SH3TC1: variants seen among roughly 807,000 people sequenced by gnomAD.
SH3TC1 encodes the protein SH3 domain and tetratricopeptide repeats 1.
In SH3TC1, 135 loss-of-function variants were observed where a neutral mutation model predicts 117.3. That is an observed-to-expected ratio of 1.15 (90% CI 1.00 to 1.33). SH3TC1 has a LOEUF of 1.33. Ranked by LOEUF, SH3TC1 falls within the 40% of genes most tolerant of loss-of-function variation. SH3TC1 has a pLI of 0.00. For missense variants in SH3TC1, 2,092 were observed against 1,794.3 expected, an observed-to-expected ratio of 1.17 and a Z score of -3.00; for synonymous variants, 898 against 816.9, an observed-to-expected ratio of 1.10 and a Z score of -1.69.
intron 1 of SH3TC1, among the ~76,000 whole-genome samples, chr4:8,184,639 A>G (rs1478134039): frequency 6.6e-6 from 1 of 152,108 alleles, no homozygotes; most frequent in Non-Finnish European, 1.5e-5. Context: ...TCAGCCTCCC[A>G]AAGTACTGGG....
In SH3TC1 at chr4:8,209,897, C is replaced by T. The variant is rs1712316; in HGVS notation, c.247+75C>T. ...GCCGCTCCCTGGGCATCCAAGAGTC[C>T]AACCCAGGGCTTCTCAAAGTGTGGC... is the stretch of plus-strand genomic sequence containing the variant. On this transcript the variant is annotated intron_variant, in intron 3 of 17. Transcript: ENST00000245105. This position sits in a 1 kb window ranked among gnomAD's most constrained non-coding sequence, Gnocchi z 5.9. 1,243,490 of 1,447,626 alleles carry T rather than the reference C, an allele frequency of 0.86. 537,607 individuals carry two copies. Among genetic ancestry groups the T allele is most frequent in the Non-Finnish European group, 0.89 (935,348 of 1,051,646 alleles). The allele number at this position is 1,447,626 out of a possible 1,614,324, so 89.7% of individuals were successfully genotyped here.
chr4:8,228,700 C>G, intron 12 of SH3TC1, 56 bp downstream of exon 12: 1 of 1,322,692 alleles, frequency 7.6e-7, no homozygotes, highest in Non-Finnish European at 1.0e-6. Flanking sequence ...TCAGGGCACA[C>G]CTGGGGTTTG....
rs767193388 is a variant in SH3TC1 at position 8,218,314 on chromosome 4, G to T, written c.883G>T (p.Gly295Cys). ...IPQDPIDDAM[G>C]GPVMPGNPLM... ...CCAGGACCCCATCGACGATGCCATG[G>T]GTGGCCCTGTGATGCCCGGCAACCC... The change falls in exon 8 of 18, where the codon GGT (glycine) becomes TGT (cysteine). Residue 295 changes from glycine (G) to cysteine (C), a missense_variant. Physicochemically the swap from Gly to Cys is radical, Grantham distance 159 (BLOSUM62 -3). Coordinates refer to ENST00000245105, the MANE Select transcript of SH3TC1 (RefSeq NM_018986.5). 7 of 1,611,872 alleles carry T rather than the reference G, an allele frequency of 4.3e-6. No individual in the cohort carries two copies. In the East Asian group the frequency reaches 1.6e-4, roughly 36 times the overall value.
Position 8,241,054 on chromosome 4 carries a change from A to T in SH3TC1, c.*99A>T, listed in dbSNP as rs770933951. ...CATTTTCTGGCAAATGGAGGCACGA[A>T]CGCAGGGGCCAAATAGCAATAAATG... On this transcript the variant is annotated 3_prime_UTR_variant, in exon 18 of 18. Transcript: ENST00000245105. 2 of 1,505,828 alleles carry T rather than the reference A, an allele frequency of 1.3e-6. No homozygotes were observed. Among genetic ancestry groups the T allele is most frequent in the Non-Finnish European group, 1.8e-6 (2 of 1,123,502 alleles). The allele number at this position is 1,505,828 out of a possible 1,614,324, so 93.3% of individuals were successfully genotyped here.
At position 8,216,974 on chromosome 4, in the gene SH3TC1, T is replaced by C. The variant is rs1561693532; in HGVS notation, c.646T>C (p.Cys216Arg). The C allele has an allele frequency of 6.2e-7, 1 of 1,614,046 alleles. No individual in the cohort carries two copies. Among genetic ancestry groups the C allele is most frequent in the Non-Finnish European group, 8.5e-7 (1 of 1,179,972 alleles). The change falls in exon 7 of 18, where the codon TGT becomes CGT. Residue 216 changes from cysteine (C) to arginine (R), a missense_variant. Coordinates refer to ENST00000245105, the MANE Select transcript of SH3TC1 (RefSeq NM_018986.5). Reference sequence around the variant, plus strand: ...TTTTGAAGGGCCCTTCTTTGTCCTGTGTCCTGACCACCATGTGAGAGTGAT... The same window carrying C: ...TTTTGAAGGGCCCTTCTTTGTCCTGCGTCCTGACCACCATGTGAGAGTGAT... Reference protein sequence around the residue: ...LIQEGPFFVLCPDHHVRVMTG... With the variant: ...LIQEGPFFVLRPDHHVRVMTG...
chr4:8,189,318 T>C (rs1214324780), intron 1 of SH3TC1, among the ~76,000 whole-genome samples: 1 of 152,100 alleles, frequency 6.6e-6, no homozygotes, highest in African/African-American at 2.4e-5. Flanking sequence ...AGGAAGCAAG[T>C]GGTGGTGACA....
intron 4 of SH3TC1, among the ~76,000 whole-genome samples, chr4:8,214,158 G>A (rs1164982905): frequency 1.3e-5 from 2 of 152,156 alleles, no homozygotes; most frequent in African/African-American, 4.8e-5. Context: ...TAGGTCGGGA[G>A]AAGCGGCGGT....
intron 4 of SH3TC1, among the ~76,000 whole-genome samples, chr4:8,213,790 A>G (rs1216850704): frequency 6.6e-6 from 1 of 151,806 alleles, no homozygotes; most frequent in African/African-American, 2.4e-5. Context: ...GGAGAGTAAA[A>G]TGGGTGGATT....
At position 8,233,442 on chromosome 4, in the gene SH3TC1, C is replaced by T. The variant is rs1484804134; in HGVS notation, c.3211C>T (p.His1071Tyr). The T allele has an allele frequency of 6.2e-7, 1 of 1,613,858 alleles. No individual in the cohort carries two copies. The highest frequency in any genetic ancestry group is 8.5e-7 in the Non-Finnish European group (1 of 1,179,930). The change falls in exon 14 of 18, where the codon CAT becomes TAT. Residue 1071 changes from histidine to tyrosine, a missense_variant. His to Tyr is a moderately conservative substitution (Grantham distance 83). Transcript: ENST00000245105. ...CCTCCAGAAGAAAGAGAAGGAGGCG[C>T]ATGCCTGGCTGCAAGCAGGGAAGAT... ...IDLQKKEKEA[H>Y]AWLQAGKIYY... is the part of the protein sequence containing the mutation.
In SH3TC1 at chr4:8,209,511, G is replaced by T; in HGVS notation, c.173-237G>T. 1 of 791,036 alleles carries T rather than the reference G, an allele frequency of 1.3e-6. No individual in the cohort carries two copies. The highest frequency in any genetic ancestry group is 1.7e-5 in the African/African-American group (1 of 58,412). 49.0% of individuals were successfully genotyped at this position (791,036 alleles called of 1,614,324 possible). ...TGAGAGCGGCGGGATCATACGAGTC[G>T]TGTGGTCTTAAGCCTCTGAGTGTGG... On this transcript the variant is annotated intron_variant, in intron 2 of 17. Coordinates refer to ENST00000245105, the MANE Select transcript of SH3TC1 (RefSeq NM_018986.5). The surrounding 1 kb of genome is among the most constrained non-coding windows in gnomAD (Gnocchi z 5.9).
chr4:8,207,076 G>T, intron 2 of SH3TC1, among the ~76,000 whole-genome samples: 1 of 72,918 alleles, frequency 1.4e-5, no homozygotes. Flanking sequence ...ATCCTTTATA[G>T]CAAAAAAAAA....
chr4:8,236,245 C>T lies in SH3TC1; in HGVS notation c.3406-33C>T, dbSNP rs373472486. 8.8e-5 allele frequency: 134 copies of T among 1,521,352 alleles called. No individual in the cohort carries two copies. In the African/African-American group the frequency reaches 1.6e-3, roughly 18 times the overall value. 94.2% of individuals were successfully genotyped at this position (1,521,352 alleles called of 1,614,324 possible). A position where few individuals can be genotyped will look rare whatever the true frequency, so the allele number is the denominator to read the frequency against. Reference sequence around the variant, plus strand: ...AGGGCGCTGGGCAAGGTGGGTGCTGCGGGAAGCCTGACCCCACCTGCCTGT... The same window carrying T: ...AGGGCGCTGGGCAAGGTGGGTGCTGTGGGAAGCCTGACCCCACCTGCCTGT... On this transcript the variant is annotated intron_variant, in intron 15 of 17. Coordinates refer to ENST00000245105, the MANE Select transcript of SH3TC1 (RefSeq NM_018986.5).
At chr4:8,219,706 G>A (rs1017681903) in intron 9 of SH3TC1, among the ~76,000 whole-genome samples, 176 bp downstream of exon 9, 3 of 152,200 alleles carry the variant, frequency 2.0e-5, no homozygotes, top group African/African-American at 7.2e-5. Context: ...TGACTCCAGG[G>A]TTCCCTGGCG....
At chr4:8,217,583 G>A (rs564818856) in intron 7 of SH3TC1, among the ~76,000 whole-genome samples, 1 of 152,236 alleles carries the variant, frequency 6.6e-6, no homozygotes, top group African/African-American at 2.4e-5. Context: ...CTGAAGCGGG[G>A]GGCATTAACT....
intron 2 of SH3TC1, among the ~76,000 whole-genome samples, chr4:8,208,311 G>A (rs187481367): frequency 6.6e-6 from 1 of 152,142 alleles, no homozygotes; most frequent in African/African-American, 2.4e-5. Flanking sequence ...CAGGTGCATC[G>A]GCCAACGGAG....
chr4:8,214,401 T>G lies in SH3TC1; in HGVS notation c.376-74T>G, dbSNP rs940854021. ...CCACATCTGCAAGATGTCTCTGTCA[T>G]GTGGACGCTGTCCTCCTGACAGATG... On this transcript the variant is annotated intron_variant, in intron 4 of 17. Transcript: ENST00000245105. The G allele has an allele frequency of 3.6e-6, 5 of 1,370,732 alleles. No individual in the cohort carries two copies. The African/African-American group carries it at 5.7e-5, about 16-fold the overall frequency. 84.9% of individuals were successfully genotyped at this position (1,370,732 alleles called of 1,614,324 possible).
chr4:8,208,916 G>A (rs1440481283), intron 2 of SH3TC1, among the ~76,000 whole-genome samples: 1 of 152,246 alleles, frequency 6.6e-6, no homozygotes, highest in Admixed American at 6.5e-5. Context: ...ACTCTCTGCT[G>A]CAGTTGCAGG....
rs763506946 is a variant in SH3TC1 at position 8,227,961 on chromosome 4, C to A, written c.2267C>A (p.Pro756His). Reference sequence around the variant, plus strand: ...GTGAACCTGGTGCTCCAGAACGCCCCCCAGCCCCACAGCCTCCCTGCCCAA... The same window carrying A: ...GTGAACCTGGTGCTCCAGAACGCCCACCAGCCCCACAGCCTCCCTGCCCAA... The part of the protein sequence containing the change: ...RSVNLVLQNA[P>H]QPHSLPAQTS... The change falls in exon 12 of 18, where the codon CCC (proline) becomes CAC (histidine). Residue 756 changes from proline to histidine, a missense_variant. By Grantham distance (77) the Pro-to-His change is moderately conservative. Transcript: ENST00000245105. 6.2e-7 allele frequency: 1 copy of A among 1,612,454 alleles called. No homozygotes were observed. Among genetic ancestry groups the A allele is most frequent in the Non-Finnish European group, 8.5e-7 (1 of 1,179,816 alleles).
chr4:8,191,925 G>A (rs747834163), intron 1 of SH3TC1, among the ~76,000 whole-genome samples: 5 of 152,082 alleles, frequency 3.3e-5, no homozygotes, highest in Admixed American at 6.5e-5. Context: ...GCCGGGCTGT[G>A]TTTTCCAGGG....
Sources: allele counts gnomAD v4.1 joint callset (sites outside exome capture counted in the v4.1 genomes callset), GRCh38; gene constraint gnomAD v4.1.1; non-coding constraint Gnocchi (gnomAD v3.1); transcripts MANE v1.5; gene names NCBI Gene and HGNC (gene_info 2026-07-23, HGNC 2026-07-21).